DOK6: variants seen among roughly 807,000 people sequenced by gnomAD.
DOK6 encodes docking protein 6.
In DOK6, 22 loss-of-function variants were observed where a neutral mutation model predicts 44.0. The observed-to-expected ratio is 0.50, with a 90% CI of 0.36 to 0.71. DOK6 has a LOEUF of 0.71. Among genes scored for constraint, DOK6 ranks in the 30% least tolerant of loss-of-function variants. DOK6 has a pLI of 0.00. For synonymous variants in DOK6, 166 were observed against 145.5 expected, an observed-to-expected ratio of 1.14 and a Z score of -1.01; for missense variants, 340 against 416.4, an observed-to-expected ratio of 0.82 and a Z score of 1.60.
chr18:69,475,775 GA>G (rs541077494), intron 1 of DOK6, among the ~76,000 whole-genome samples: 99 of 151,266 alleles, frequency 6.5e-4, no homozygotes, highest in Non-Finnish European at 1.0e-3. Flanking sequence ...GCTTTCACTA[GA>G]AAAAAAAATT....
intron 7 of DOK6, among the ~76,000 whole-genome samples, chr18:69,791,257 G>A (rs375620929): frequency 2.0e-3 from 304 of 152,172 alleles, no homozygotes; most frequent in African/African-American, 7.2e-3. Context: ...CTTTTCTTTT[G>A]GGAATATACC....
chr18:69,694,847 T>A (rs8096010), intron 4 of DOK6, among the ~76,000 whole-genome samples: 26,173 of 152,176 alleles, frequency 0.17, 2,528 homozygotes, highest in Admixed American at 0.28. Flanking sequence ...TTCTTGTTGT[T>A]GTCAATCATC....
chr18:69,465,704 C>A lies in DOK6; in HGVS notation c.66+64394C>A, dbSNP rs112981960. Among the ~76,000 whole-genome samples the A allele has an allele frequency of 6.7e-3, 1,025 of 152,034 alleles. 20 individuals are homozygous for A. Among genetic ancestry groups the A allele is most frequent in the African/African-American group, 0.023 (965 of 41,452 alleles). ...GCCACATTTTCTTAATCCAGTCTAT[C>A]ATTGTTGGACATTTGGGTTGGTTCC... On this transcript the variant is annotated intron_variant, in intron 1 of 7. Coordinates refer to ENST00000382713, the MANE Select transcript of DOK6 (RefSeq NM_152721.6).
intron 7 of DOK6, among the ~76,000 whole-genome samples, chr18:69,838,480 C>A (rs1276615590): frequency 1.3e-5 from 2 of 152,036 alleles, no homozygotes; most frequent in Non-Finnish European, 2.9e-5. Flanking sequence ...CTTAGGGAGG[C>A]CTTTGCTGAC....
At chr18:69,521,945 T>C (rs954648763) in intron 1 of DOK6, among the ~76,000 whole-genome samples, 1 of 151,942 alleles carries the variant, frequency 6.6e-6, no homozygotes, top group East Asian at 1.9e-4. Flanking sequence ...AATTATAATA[T>C]AAAAAATAAA....
At chr18:69,537,986 A>G (rs1167792645) in intron 1 of DOK6, among the ~76,000 whole-genome samples, 2 of 152,182 alleles carry the variant, frequency 1.3e-5, no homozygotes, top group Non-Finnish European at 2.9e-5. Context: ...AAGGACTTGT[A>G]TCCAAGCAGA....
chr18:69,507,171 G>A (rs1981215383), intron 1 of DOK6, among the ~76,000 whole-genome samples: 1 of 151,950 alleles, frequency 6.6e-6, no homozygotes, highest in Non-Finnish European at 1.5e-5. Flanking sequence ...GAGACTACAG[G>A]CGCGTGCCAC....
At chr18:69,648,081 C>G (rs1307278499) in intron 3 of DOK6, among the ~76,000 whole-genome samples, 1 of 152,168 alleles carries the variant, frequency 6.6e-6, no homozygotes, top group Non-Finnish European at 1.5e-5. Context: ...ATCCTTGTTT[C>G]TCCTTTTCTC....
chr18:69,756,274 A>G (rs1307966352), intron 6 of DOK6, among the ~76,000 whole-genome samples: 2 of 152,278 alleles, frequency 1.3e-5, no homozygotes, highest in East Asian at 1.9e-4. Context: ...TAACCCAGAA[A>G]CTTGTCTCCT....
At chr18:69,782,716 A>G (rs962100779) in intron 7 of DOK6, among the ~76,000 whole-genome samples, 4 of 152,118 alleles carry the variant, frequency 2.6e-5, no homozygotes, top group Non-Finnish European at 4.4e-5. Flanking sequence ...GTGAGCTGAG[A>G]TCGCACCACT....
At chr18:69,764,235 T>G (rs1979649320) in intron 7 of DOK6, among the ~76,000 whole-genome samples, 1 of 152,156 alleles carries the variant, frequency 6.6e-6, no homozygotes, top group African/African-American at 2.4e-5. Context: ...TTTTATAAAC[T>G]AATGGTGAGA....
intron 4 of DOK6, among the ~76,000 whole-genome samples, chr18:69,683,495 G>T (rs76273349): frequency 6.6e-6 from 1 of 152,186 alleles, no homozygotes; most frequent in African/African-American, 2.4e-5. Flanking sequence ...AAGTGGGAAG[G>T]TTTGGACTCA....
chr18:69,630,406 C>T (rs544458362), intron 3 of DOK6, among the ~76,000 whole-genome samples: 3 of 152,220 alleles, frequency 2.0e-5, no homozygotes, highest in African/African-American at 7.2e-5. Context: ...GATTTTTTAA[C>T]ATTTAGTAGC....
chr18:69,650,743 C>T (rs1412204186), intron 3 of DOK6, among the ~76,000 whole-genome samples: 2 of 152,178 alleles, frequency 1.3e-5, no homozygotes, highest in African/African-American at 4.8e-5. Flanking sequence ...ACTCTGTGAT[C>T]TCATGTTCAG....
At chr18:69,620,368 A>T (rs1246572818) in intron 3 of DOK6, among the ~76,000 whole-genome samples, 1 of 152,210 alleles carries the variant, frequency 6.6e-6, no homozygotes, top group African/African-American at 2.4e-5. Flanking sequence ...CAATTACACA[A>T]GGCTATATTT....
chr18:69,690,990 G>T (rs1986252050), intron 4 of DOK6, among the ~76,000 whole-genome samples: 1 of 151,992 alleles, frequency 6.6e-6, no homozygotes, highest in African/African-American at 2.4e-5. Flanking sequence ...AGACCAGCCT[G>T]TCCAACATGG....
Position 69,578,238 on chromosome 18 carries a change from T to C in DOK6, c.174+13644T>C, listed in dbSNP as rs370137396. On this transcript the variant is annotated intron_variant, in intron 2 of 7. Transcript: ENST00000382713. ...GTAAAGCAACCGTCTATAATGGTAC[T>C]ATATAGGAAAAATCATAGTATAATT... 5.9e-5 allele frequency among the ~76,000 whole-genome samples: 9 copies of C among 152,310 alleles called. No individual in the cohort carries two copies. In the East Asian group the frequency reaches 1.3e-3, roughly 23 times the overall value.
At position 69,617,732 on chromosome 18, in the gene DOK6, G is replaced by A. The variant is rs1402939014; in HGVS notation, c.289+18234G>A. ...AAAAGAAAGAAAGAAAGAAAAAAGG[G>A]GGAAGGAGGGAAGGAAGGAAGGAAA... On this transcript the variant is annotated intron_variant, in intron 3 of 7. Coordinates refer to ENST00000382713, the MANE Select transcript of DOK6 (RefSeq NM_152721.6). 7.6e-3 allele frequency among the ~76,000 whole-genome samples: 366 copies of A among 48,150 alleles called. 1 individual carries two copies. The highest frequency in any genetic ancestry group is 0.019 in the South Asian group (17 of 918). 31.6% of individuals were successfully genotyped at this position (48,150 alleles called of 152,430 possible).
intron 2 of DOK6, among the ~76,000 whole-genome samples, chr18:69,579,329 T>C (rs1267002224): frequency 6.6e-6 from 1 of 152,222 alleles, no homozygotes; most frequent in Non-Finnish European, 1.5e-5. Flanking sequence ...TTTTCTACTT[T>C]TTAGAATCAA....
Sources: allele counts gnomAD v4.1 joint callset (sites outside exome capture counted in the v4.1 genomes callset), GRCh38; gene constraint gnomAD v4.1.1; transcripts MANE v1.5; gene names NCBI Gene and HGNC (gene_info 2026-07-23, HGNC 2026-07-21).